The following MED19 variants were observed in gnomAD, a reference collection of about 807,000 sequenced individuals.
MED19 encodes mediator of RNA polymerase II transcription subunit 19.
In MED19, 4 loss-of-function variants were observed where a neutral mutation model predicts 19.9. That is an observed-to-expected ratio of 0.20 (90% CI 0.10 to 0.46). MED19 has a LOEUF of 0.46. Ranked by LOEUF, MED19 falls within the 20% of genes least tolerant of loss-of-function variation. MED19 has a pLI of 0.99. For synonymous variants in MED19, 139 were observed against 119.6 expected (o/e 1.16, Z -1.06); for missense variants, 303 against 318.7 (o/e 0.95, Z 0.38).
chr11:57,710,171 G>A (rs1946548698), intron 1 of MED19, among the ~76,000 whole-genome samples: 1 of 152,164 alleles, frequency 6.6e-6, no homozygotes, highest in Admixed American at 6.5e-5. Flanking sequence ...AGACCAGCTT[G>A]CGCAACACAG....
In MED19 at chr11:57,704,408, A is replaced by G; in HGVS notation, c.572-12T>C. 1 of 1,536,836 alleles carries G rather than the reference A, an allele frequency of 6.5e-7. No individual in the cohort carries two copies. Among genetic ancestry groups the G allele is most frequent in the Non-Finnish European group, 8.7e-7 (1 of 1,145,894 alleles). On this transcript the variant is annotated splice_polypyrimidine_tract_variant and intron_variant, in intron 3 of 4. Coordinates refer to ENST00000431606, the Ensembl canonical transcript of MED19. ...ATCAGATGGTGTTTCTGTAGGAGACATTAGGTACCTATCACCTGTAAAGCT... is the reference window on the plus strand; with the variant it reads ...ATCAGATGGTGTTTCTGTAGGAGACGTTAGGTACCTATCACCTGTAAAGCT...
chr11:57,704,261 G>A lies in MED19; in HGVS notation c.666+41C>T, dbSNP rs113697206. The A allele has an allele frequency of 2.9e-3, 4,440 of 1,530,190 alleles. 12 individuals carry two copies. Among genetic ancestry groups the A allele is most frequent in the South Asian group, 2.9e-3 (243 of 82,982 alleles). The allele number at this position is 1,530,190 out of a possible 1,614,324, so 94.8% of individuals were successfully genotyped here. A position where few individuals can be genotyped will look rare whatever the true frequency, so the allele number is the denominator to read the frequency against. On this transcript the variant is annotated intron_variant, in intron 4 of 4. Coordinates refer to ENST00000431606, the Ensembl canonical transcript of MED19. Reference sequence around the variant, plus strand: ...GGTATTTAGGACAGGGGTGAGATCTGGGGAAACTCACTGGGTTGTGGCAAT... The same window carrying A: ...GGTATTTAGGACAGGGGTGAGATCTAGGGAAACTCACTGGGTTGTGGCAAT...
At chr11:57,709,119 C>T (rs897824793) in intron 1 of MED19, among the ~76,000 whole-genome samples, 6 of 152,294 alleles carry the variant, frequency 3.9e-5, no homozygotes, top group Non-Finnish European at 5.9e-5. Flanking sequence ...CAGTGGCTCA[C>T]GCCTGTAATC....
At chr11:57,711,917 C>A (rs532593867) in intron 1 of MED19, 46 bp downstream of exon 1, 3 of 1,396,290 alleles carry the variant, frequency 2.1e-6, no homozygotes, top group Non-Finnish European at 2.8e-6. Context: ...CCATCACCTC[C>A]TCTCTAAGAT....
chr11:57,707,854 A>G (rs1946525957), intron 1 of MED19, among the ~76,000 whole-genome samples: 1 of 152,104 alleles, frequency 6.6e-6, no homozygotes, highest in Non-Finnish European at 1.5e-5. Flanking sequence ...TTATTTTTTG[A>G]GACAGTCTCG....
At chr11:57,704,175 G>A in intron 4 of MED19, 69 bp from the exon 5 acceptor site, 2 of 1,531,030 alleles carry the variant, frequency 1.3e-6, no homozygotes, top group Non-Finnish European at 1.7e-6. Flanking sequence ...CTGTACAGGA[G>A]AAACCTGCAA....
At chr11:57,712,046 G>A (rs887139775) in exon 1 of MED19, 2 of 1,537,260 alleles carry the variant, frequency 1.3e-6, no homozygotes, top group Non-Finnish European at 1.8e-6. Context: ...CGCGGTGGGA[G>A]GCGGGGCCGT....
chr11:57,706,233 C>T (rs775970391), intron 1 of MED19, among the ~76,000 whole-genome samples: 9 of 152,006 alleles, frequency 5.9e-5, no homozygotes, highest in Non-Finnish European at 7.4e-5. Flanking sequence ...CTGCAACCTC[C>T]GCCTCCTAGG....
intron 4 of MED19, 57 bp downstream of exon 4, chr11:57,704,245 G>C: frequency 6.5e-7 from 1 of 1,528,968 alleles, no homozygotes; most frequent in Non-Finnish European, 8.7e-7. Context: ...GGGTATTTAG[G>C]ACAGGGGTGA....
At chr11:57,711,880 C>T (rs1032461789) in intron 1 of MED19, 83 bp downstream of exon 1, 1 of 1,359,062 alleles carries the variant, frequency 7.4e-7, no homozygotes, top group South Asian at 1.8e-5. Context: ...TTACCTCGCA[C>T]CTCCGCTAGC....
intron 1 of MED19, among the ~76,000 whole-genome samples, chr11:57,707,079 T>G (rs528930221): frequency 6.6e-6 from 1 of 151,740 alleles, no homozygotes; most frequent in Non-Finnish European, 1.5e-5. Flanking sequence ...GCGCCTGTAG[T>G]CACAGCTACT....
intron 1 of MED19, 122 bp downstream of exon 1, chr11:57,711,841 C>A: frequency 9.1e-7 from 1 of 1,100,112 alleles, no homozygotes; most frequent in East Asian, 3.2e-5. Context: ...CGACTTAGGG[C>A]TCCACAGTCC....
exon 2 of MED19, chr11:57,705,186 G>A (rs774055371): frequency 6.2e-7 from 1 of 1,614,190 alleles, no homozygotes; most frequent in Non-Finnish European, 8.5e-7. Context: ...GTTCCAAGTT[G>A]TAGTGTGTGA....
intron 3 of MED19, 37 bp downstream of exon 3, chr11:57,704,682 T>TG (rs1946486560): frequency 1.8e-5 from 28 of 1,564,978 alleles, no homozygotes; most frequent in Non-Finnish European, 2.4e-5. Context: ...TTTTTTTTTT[T>TG]TTTTTTTTTT....
chr11:57,712,087 C>T, exon 1 of MED19: 2 of 1,529,026 alleles, frequency 1.3e-6, no homozygotes, highest in Non-Finnish European at 1.8e-6. Flanking sequence ...GAGGCGGTGG[C>T]GGGGGTGGAG....
exon 1 of MED19, chr11:57,712,146 C>G: frequency 3.3e-6 from 5 of 1,533,188 alleles, no homozygotes; most frequent in Non-Finnish European, 4.4e-6. Context: ...GGTGGGTCAG[C>G]CTGAGCCCCA....
At chr11:57,711,254 GCAACTTGCCCCAAA>G (rs1946589408) in intron 1 of MED19, among the ~76,000 whole-genome samples, 1 of 152,210 alleles carries the variant, frequency 6.6e-6, no homozygotes, top group Non-Finnish European at 1.5e-5. Context: ...AGGAAGAATG[GCAACTTGCCCCAAA>G]CCAATAGCAA....
intron 1 of MED19, among the ~76,000 whole-genome samples, chr11:57,708,852 A>G (rs1036785410): frequency 6.6e-6 from 1 of 152,186 alleles, no homozygotes; most frequent in Non-Finnish European, 1.5e-5. Context: ...ATTAAAAGAA[A>G]CCGCTGGTGG....
rs1010391871 is a variant in MED19 at position 57,704,108 on chromosome 11, TG to T, written c.667-3del. ...TGGGTGGTCTGGACTATGTCGATTC[TG>T]GGGGAGAAAGAAGCAGGGTAAGAAC... On this transcript the variant is annotated splice_region_variant and splice_polypyrimidine_tract_variant and intron_variant, in intron 4 of 4. Coordinates refer to ENST00000431606, the Ensembl canonical transcript of MED19. 8.5e-6 allele frequency: 13 copies of T among 1,536,154 alleles called. No homozygotes were observed. The African/African-American group carries it at 1.4e-4, about 16-fold the overall frequency.
Sources: allele counts gnomAD v4.1 joint callset (sites outside exome capture counted in the v4.1 genomes callset), GRCh38; gene constraint gnomAD v4.1.1; transcripts MANE v1.5; gene names NCBI Gene and HGNC (gene_info 2026-07-23, HGNC 2026-07-21).